RASEF: variants seen among roughly 807,000 people sequenced by gnomAD.
RASEF encodes ras and EF-hand domain-containing protein.
Under a neutral mutation model 90.1 loss-of-function variants are expected in RASEF, and 68 were observed. The observed-to-expected ratio is 0.75, with a 90% CI of 0.62 to 0.92. The LOEUF is 0.92. RASEF is among the 40% of genes least tolerant of loss of function. RASEF has a pLI of 0.00. For missense variants in RASEF, 949 were observed against 937.2 expected, an observed-to-expected ratio of 1.01 and a Z score of -0.16; for synonymous variants, 331 against 345.2, an observed-to-expected ratio of 0.96 and a Z score of 0.46.
At chr9:83,106,136 A>G in the RASEF span, among the ~76,000 whole-genome samples, 1 of 152,018 alleles carries the variant, frequency 6.6e-6, no homozygotes, top group Non-Finnish European at 1.5e-5. Context: ...CACCCATCTA[A>G]ATCCTTGGGC....
chr9:83,132,564 A>G, the RASEF span, among the ~76,000 whole-genome samples: 11 of 152,298 alleles, frequency 7.2e-5, no homozygotes, highest in African/African-American at 2.6e-4. Flanking sequence ...CAATACTAAG[A>G]GGTCTCATAA....
intron 1 of RASEF, among the ~76,000 whole-genome samples, chr9:83,061,199 A>G (rs150219660): frequency 1.1e-3 from 171 of 152,326 alleles, no homozygotes; most frequent in African/African-American, 3.9e-3. Context: ...TCATTTGTAA[A>G]TAACAGAAAA....
the RASEF span, among the ~76,000 whole-genome samples, chr9:83,173,401 G>A: frequency 6.6e-6 from 1 of 151,566 alleles, no homozygotes. Context: ...CTATTTTCTA[G>A]ATTTTGTAAA....
the RASEF span, among the ~76,000 whole-genome samples, chr9:83,157,129 GCCAAAA>G: frequency 6.6e-6 from 1 of 152,224 alleles, no homozygotes; most frequent in African/African-American, 2.4e-5. Context: ...ACTGTGTAAT[GCCAAAA>G]TGGCCCGCAA....
chr9:82,997,652 C>G (rs1828946633), intron 13 of RASEF, among the ~76,000 whole-genome samples: 1 of 152,176 alleles, frequency 6.6e-6, no homozygotes, highest in African/African-American at 2.4e-5. Flanking sequence ...CATGCCCTAA[C>G]TTGAAACCCA....
At chr9:83,153,465 T>G in the RASEF span, among the ~76,000 whole-genome samples, 11 of 152,234 alleles carry the variant, frequency 7.2e-5, no homozygotes, top group African/African-American at 2.4e-4. Flanking sequence ...TAAGAAGACC[T>G]TCTCTAATGC....
the RASEF span, among the ~76,000 whole-genome samples, chr9:83,163,247 C>T: frequency 6.6e-6 from 1 of 152,154 alleles, no homozygotes; most frequent in African/African-American, 2.4e-5. Flanking sequence ...AGCACTTATC[C>T]CCCAACACAC....
At chr9:83,067,091 T>G (rs2117947221), upstream of RASEF, among the ~76,000 whole-genome samples, 1 of 152,168 alleles carries the variant, frequency 6.6e-6, no homozygotes, top group Middle Eastern at 3.4e-3. Context: ...AGTGGAAACC[T>G]ATTGTAATCC....
At chr9:83,023,126 GTGA>G (rs2118563437) in intron 2 of RASEF, among the ~76,000 whole-genome samples, 1 of 152,180 alleles carries the variant, frequency 6.6e-6, no homozygotes, top group Non-Finnish European at 1.5e-5. Context: ...CTGTGGCAAA[GTGA>G]TGGTTATATA....
At chr9:83,022,232 G>T in intron 3 of RASEF, 104 bp downstream of exon 3, 1 of 833,156 alleles carries the variant, frequency 1.2e-6, no homozygotes, top group Non-Finnish European at 2.0e-6. Flanking sequence ...CAGAAACCTG[G>T]ACTTGCTGTA....
chr9:83,041,736 G>A (rs73469497), intron 1 of RASEF, among the ~76,000 whole-genome samples: 4,436 of 152,154 alleles, frequency 0.029, 201 homozygotes, highest in African/African-American at 0.1. Context: ...TTGATTTTCT[G>A]CAGAACGGAA....
At chr9:83,107,473 T>C in the RASEF span, among the ~76,000 whole-genome samples, 6 of 151,780 alleles carry the variant, frequency 4.0e-5, no homozygotes, top group African/African-American at 1.5e-4. Flanking sequence ...TCCTCTCTCA[T>C]TTTTGCCCTC....
At chr9:83,004,187 T>C (rs1193096527) in intron 9 of RASEF, among the ~76,000 whole-genome samples, 2 of 152,218 alleles carry the variant, frequency 1.3e-5, no homozygotes, top group Non-Finnish European at 2.9e-5. Context: ...CAGCATCATA[T>C]ACTATAATTC....
intron 14 of RASEF, among the ~76,000 whole-genome samples, chr9:82,995,396 A>C (rs1034162138): frequency 3.9e-5 from 6 of 152,182 alleles, no homozygotes; most frequent in African/African-American, 1.4e-4. Context: ...AGGGATCTCC[A>C]TTTGTTCACT....
chr9:83,047,640 C>A (rs1309541639), intron 1 of RASEF, among the ~76,000 whole-genome samples: 2 of 152,132 alleles, frequency 1.3e-5, no homozygotes, highest in Non-Finnish European at 2.9e-5. Flanking sequence ...GGCAGCATAA[C>A]CTGGAAGTAG....
At chr9:83,129,188 C>T in the RASEF span, among the ~76,000 whole-genome samples, 1 of 152,056 alleles carries the variant, frequency 6.6e-6, no homozygotes, top group Non-Finnish European at 1.5e-5. Flanking sequence ...GGGCGGATCA[C>T]AGGGTCAGGA....
the RASEF span, among the ~76,000 whole-genome samples, chr9:83,101,466 C>T: frequency 6.6e-6 from 1 of 152,180 alleles, no homozygotes; most frequent in Non-Finnish European, 1.5e-5. Flanking sequence ...CACCCTGATC[C>T]ACTATGCATG....
intron 1 of RASEF, among the ~76,000 whole-genome samples, chr9:83,049,049 G>A (rs747388612): frequency 2.0e-5 from 3 of 151,442 alleles, no homozygotes; most frequent in Non-Finnish European, 2.9e-5. Context: ...GCTTGAACCC[G>A]GGAGGCAAAG....
the RASEF span, among the ~76,000 whole-genome samples, chr9:83,199,732 G>A: frequency 6.6e-6 from 1 of 152,170 alleles, no homozygotes; most frequent in African/African-American, 2.4e-5. Context: ...GAAAAGAGGA[G>A]GCAGGGCATG....
Sources: gnomAD v4.1 joint callset for allele counts (sites outside exome capture counted in the v4.1 genomes callset) on GRCh38, gnomAD v4.1.1 for gene constraint, MANE v1.5 for transcripts, NCBI Gene and HGNC (gene_info 2026-07-23, HGNC 2026-07-21) for gene names.